NOC2L: variants seen among roughly 807,000 people sequenced by gnomAD.
The protein encoded by NOC2L is nucleolar complex protein 2 homolog.
In NOC2L, 101 loss-of-function variants were observed where a neutral mutation model predicts 94.2. The observed-to-expected ratio is 1.07, with a 90% CI of 0.91 to 1.26. The LOEUF is 1.26. Among genes scored for constraint, NOC2L ranks in the 50% most tolerant of loss-of-function variants. The probability of loss-of-function intolerance (pLI) is 0.00; values close to 1 mark genes in which losing one functional copy is unlikely to be tolerated. For synonymous variants in NOC2L, 531 were observed against 413.4 expected (o/e 1.28, Z -3.45); for missense variants, 1,076 against 980.1 (o/e 1.10, Z -1.31).
intron 12 of NOC2L, among the ~76,000 whole-genome samples, chr1:949,414 T>C (rs961825878): frequency 1.3e-5 from 2 of 152,206 alleles, no homozygotes; most frequent in Non-Finnish European, 2.9e-5. Context: ...GGGAGGACAC[T>C]GCCCTTCTCT....
At chr1:958,890 G>C in intron 2 of NOC2L, 39 bp downstream of exon 2, 1 of 1,611,702 alleles carries the variant, frequency 6.2e-7, no homozygotes, top group Non-Finnish European at 8.5e-7. Flanking sequence ...GGTGGGACAG[G>C]ACGAGCAAGA....
In NOC2L at chr1:959,027, C is replaced by T. The variant is rs758592035; in HGVS notation, c.81G>A (p.Glu27=). Residue 27 remains glutamate, a synonymous_variant, in exon 2 of 19, where the codon GAG becomes GAA. Coordinates refer to ENST00000327044, the MANE Select transcript of NOC2L (RefSeq NM_015658.4). ...DEFLASGFDS[E]SESESENSPQ... Reference sequence around the variant, plus strand: ...GAGAATTTTCGGACTCGGATTCGGACTCGGAGTCAAAGCCCGAAGCTAGGA... The same window carrying T: ...GAGAATTTTCGGACTCGGATTCGGATTCGGAGTCAAAGCCCGAAGCTAGGA... The T allele has an allele frequency of 1.9e-5, 30 of 1,612,314 alleles. No individual in the cohort carries two copies. The Admixed American group carries it at 4.7e-4, about 25-fold the overall frequency.
intron 2 of NOC2L, 44 bp from the exon 3 acceptor site, chr1:957,317 G>A: frequency 6.3e-7 from 1 of 1,598,018 alleles, no homozygotes; most frequent in Non-Finnish European, 8.6e-7. Flanking sequence ...AGTGGAAGTA[G>A]AGGGGGCGGG....
rs748414366 is a variant in NOC2L at position 945,584 on chromosome 1, GCTTCCTGTCCTCATC to G, written c.1972_1986del (p.Asp658_Lys662del). The G allele has an allele frequency of 1.2e-6, 2 of 1,614,082 alleles. No homozygotes were observed. The highest frequency in any genetic ancestry group is 1.1e-5 in the South Asian group (1 of 91,086). On this transcript the variant is annotated inframe_deletion, in exon 17 of 19. Transcript: ENST00000327044. ...TTCAGGTCAAAGAGGTCTTTAAATT[GCTTCCTGTCCTCATC>G]CTTCCTGTCAGCCATCTTCCTTCGT...
In NOC2L at chr1:946,729, C is replaced by G. The variant is rs142806645; in HGVS notation, c.1660-184G>C. The G allele has an allele frequency of 2.9e-3, 1,924 of 669,630 alleles. 3 individuals are homozygous for G. Among genetic ancestry groups the G allele is most frequent in the Non-Finnish European group, 4.2e-3 (1,698 of 400,978 alleles). The allele number at this position is 669,630 out of a possible 1,614,324, so 41.5% of individuals were successfully genotyped here. A position where few individuals can be genotyped will look rare whatever the true frequency, so the allele number is the denominator to read the frequency against. ...ATGGCAGAGGCAGAATCAGCCCACC[C>G]TCTGGGCCAACCCTGCCCACTACTC... On this transcript the variant is annotated intron_variant, in intron 14 of 18. Transcript: ENST00000327044.
intron 17 of NOC2L, 152 bp downstream of exon 17, chr1:945,366 C>G (rs1474714824): frequency 7.6e-6 from 8 of 1,052,228 alleles, no homozygotes; most frequent in Non-Finnish European, 1.1e-5. Context: ...GGCGCTGGCA[C>G]CAGAAGCCTG....
intron 17 of NOC2L, 65 bp downstream of exon 17, chr1:945,453 C>G: frequency 6.3e-7 from 1 of 1,591,472 alleles, no homozygotes; most frequent in East Asian, 2.2e-5. Flanking sequence ...GCCCTCGTGG[C>G]TCTGGGAAGT....
chr1:953,212 C>T lies in NOC2L; in HGVS notation c.965G>A (p.Arg322Gln), dbSNP rs546165013. 8 of 1,613,370 alleles carry T rather than the reference C, an allele frequency of 5.0e-6. No homozygotes were observed. Among genetic ancestry groups the T allele is most frequent in the East Asian group, 4.5e-5 (2 of 44,884 alleles). Reference sequence around the variant, plus strand: ...GCCAAGGAAAGTGTCCTTCTTGTGCCGGCAGACTCTGCTGAGGACCAGGAA... The same window carrying T: ...GCCAAGGAAAGTGTCCTTCTTGTGCTGGCAGACTCTGCTGAGGACCAGGAA... ...LAFLVLSRVC[R>Q]HKKDTFLGPV... Residue 322 changes from arginine (R) to glutamine (Q), a missense_variant, in exon 9 of 19, where the codon CGG becomes CAG. Around this residue, in one of 3 missense-constraint regions of NOC2L, gnomAD observed 615 missense variants for 577.4 expected, o/e 1.07. Transcript: ENST00000327044.
chr1:945,881 C>T (rs1461374938), intron 16 of NOC2L, among the ~76,000 whole-genome samples: 3 of 152,232 alleles, frequency 2.0e-5, no homozygotes, highest in African/African-American at 7.2e-5. Context: ...ACATACTGGC[C>T]TGGGTGACGA....
intron 12 of NOC2L, 87 bp downstream of exon 12, chr1:951,040 G>T: frequency 9.4e-7 from 1 of 1,062,778 alleles, no homozygotes; most frequent in Non-Finnish European, 1.4e-6. Context: ...GGAAGTCGCC[G>T]GACAACTCAG....
At position 948,118 on chromosome 1, in the gene NOC2L, G is replaced by A; in HGVS notation, c.1659+13C>T. Reference sequence around the variant, plus strand: ...CTGAGTCGGCCACGAGCCGGTGTGGGCAGGACACACACCTGCAGGACCACA... The same window carrying A: ...CTGAGTCGGCCACGAGCCGGTGTGGACAGGACACACACCTGCAGGACCACA... On this transcript the variant is annotated intron_variant, in intron 14 of 18. Transcript: ENST00000327044. 6.4e-7 allele frequency: 1 copy of A among 1,570,260 alleles called. No individual in the cohort carries two copies. Among genetic ancestry groups the A allele is most frequent in the Non-Finnish European group, 8.6e-7 (1 of 1,157,252 alleles).
At chr1:949,763 C>T (rs1557617838) in intron 12 of NOC2L, among the ~76,000 whole-genome samples, 1 of 152,186 alleles carries the variant, frequency 6.6e-6, no homozygotes, top group Non-Finnish European at 1.5e-5. Flanking sequence ...AATCAGAGAC[C>T]ACTGCTGGCT....
intron 14 of NOC2L, among the ~76,000 whole-genome samples, chr1:947,785 A>T (rs1642158140): frequency 6.6e-6 from 1 of 152,338 alleles, no homozygotes; most frequent in East Asian, 1.9e-4. Flanking sequence ...CACACCCGGG[A>T]TGGCCTGGGG....
chr1:953,457 C>T (rs758504054), intron 8 of NOC2L, among the ~76,000 whole-genome samples, 169 bp from the exon 9 acceptor site: 16 of 152,236 alleles, frequency 1.1e-4, no homozygotes, highest in Non-Finnish European at 2.1e-4. Context: ...GTGAACAGAA[C>T]AGGTGTGTTG....
At chr1:951,883 G>T in intron 11 of NOC2L, 117 bp downstream of exon 11, 2 of 1,180,710 alleles carry the variant, frequency 1.7e-6, no homozygotes, top group South Asian at 1.5e-5. Context: ...CCTCAGGGAC[G>T]GCCAGGACAC....
In NOC2L at chr1:945,525, C is replaced by A. The variant is rs149040522; in HGVS notation, c.2046G>T (p.Ser682=). ...GCACCACGCAGGCCCCACCTCTCTC[C>A]GAGAATCCCTCGGTGTCGTCCTCTT... ...SSEEDDTEGF[S]ERGILRPLST... is the part of the protein sequence containing the mutation. Residue 682 remains serine, a synonymous_variant, in exon 17 of 19, where the codon TCG becomes TCT. Coordinates refer to ENST00000327044, the MANE Select transcript of NOC2L (RefSeq NM_015658.4). The A allele has an allele frequency of 2.4e-5, 39 of 1,613,800 alleles. No homozygotes were observed. Among genetic ancestry groups the A allele is most frequent in the Non-Finnish European group, 3.3e-5 (39 of 1,179,830 alleles).
intron 18 of NOC2L, 46 bp from the exon 19 acceptor site, chr1:944,846 G>T (rs777904585): frequency 7.1e-7 from 1 of 1,410,016 alleles, no homozygotes. Context: ...TTATCAGGAA[G>T]AAGCCAGCCT....
rs761848022 is a variant in NOC2L, at chr1:948,203, G to A, written c.1587C>T (p.Leu529=). ...RDGLVEQLYD[L]TLEYLHSQAH... is the part of the protein sequence containing the mutation. ...CCTGGCTGTGCAGGTACTCCAGGGT[G>A]AGGTCGTACAGCTGCTCCACCAGGC... The change falls in exon 14 of 19, where the codon CTC becomes CTT. Residue 529 remains leucine (L), a synonymous_variant. Coordinates refer to ENST00000327044, the MANE Select transcript of NOC2L (RefSeq NM_015658.4). 2 of 1,588,360 alleles carry A rather than the reference G, an allele frequency of 1.3e-6. No homozygotes were observed. Among genetic ancestry groups the A allele is most frequent in the Non-Finnish European group, 1.7e-6 (2 of 1,167,758 alleles).
rs1557621251 is a variant in NOC2L at position 953,976 on chromosome 1, CCCCGTGCCCTCCCCA to C, written c.777+13_777+27del. The C allele has an allele frequency of 6.2e-7, 1 of 1,603,656 alleles. No homozygotes were observed. The highest frequency in any genetic ancestry group is 1.7e-5 in the Admixed American group (1 of 59,540). ...GACCGACCACCAGATACAGCCAGGC[CCCCGTGCCCTCCCCA>C]CCAGAATAGCACCTGTATGGCCGAG... On this transcript the variant is annotated intron_variant, in intron 7 of 18. Coordinates refer to ENST00000327044, the MANE Select transcript of NOC2L (RefSeq NM_015658.4).
Sources: gnomAD v4.1 joint callset for allele counts (sites outside exome capture counted in the v4.1 genomes callset) on GRCh38, gnomAD v4.1.1 for gene constraint, gnomAD v4.1.1 regional missense constraint, MANE v1.5 for transcripts, NCBI Gene and HGNC (gene_info 2026-07-23, HGNC 2026-07-21) for gene names.